Variants in KIF14 observed in about 807,000 individuals in gnomAD.
KIF14 encodes the protein kinesin family member 14.
A neutral mutation model predicts 176.2 loss-of-function variants in KIF14; 98 were observed. That is an observed-to-expected ratio of 0.56 (90% CI 0.47 to 0.66). The LOEUF is 0.66. Ranked by LOEUF, KIF14 falls within the 30% of genes least tolerant of loss-of-function variation. The pLI, the probability that KIF14 is intolerant of heterozygous loss-of-function variation, is 0.00. For missense variants in KIF14, 1,751 were observed against 1,920.4 expected, an observed-to-expected ratio of 0.91 and a Z score of 1.65; for synonymous variants, 566 against 632.2, an observed-to-expected ratio of 0.90 and a Z score of 1.57.
intron 21 of KIF14, 132 bp from the exon 22 acceptor site, chr1:200,575,823 CTA>C (rs1491560641): frequency 2.3e-6 from 1 of 430,510 alleles, no homozygotes; most frequent in Non-Finnish European, 4.0e-6. Context: ...TCTGATAAGT[CTA>C]AAAAATCATT....
In KIF14 at chr1:200,592,172, T is replaced by C; in HGVS notation, c.2721A>G (p.Gly907=). The C allele has an allele frequency of 7.4e-6, 12 of 1,613,712 alleles. No homozygotes were observed. The highest frequency in any genetic ancestry group is 1.0e-5 in the Non-Finnish European group (12 of 1,179,676). Residue 907 remains glycine (G), a synonymous_variant, in exon 16 of 30, where the codon GGA becomes GGG. Coordinates refer to ENST00000367350, the MANE Select transcript of KIF14 (RefSeq NM_014875.3). ...GAGTATCTCTTCCAGATGGCCTTTT[T>C]CCTTTCTGGACTTCTACTGGATGAT... The part of the protein sequence containing the change: ...RFNHPVEVQK[G]KRPSGRDTPI...
intron 25 of KIF14, among the ~76,000 whole-genome samples, chr1:200,561,103 C>T (rs1025024890): frequency 1.3e-5 from 2 of 151,898 alleles, no homozygotes; most frequent in African/African-American, 2.4e-5. Flanking sequence ...TAGTGGCACA[C>T]GCCTATATCC....
chr1:200,579,877 C>T (rs1241097183), intron 21 of KIF14, among the ~76,000 whole-genome samples: 2 of 152,000 alleles, frequency 1.3e-5, no homozygotes, highest in Admixed American at 6.6e-5. Context: ...CAAAAAGGTA[C>T]ATTAGGCATA....
rs1417876269 is a variant in KIF14, at chr1:200,553,083, ACAGGCACGCGCCACCATGCC to A, written c.*285_*304del. 1 of 166,476 alleles carries A rather than the reference ACAGGCACGCGCCACCATGCC, an allele frequency of 6.0e-6. No homozygotes were observed. 10.3% of individuals were successfully genotyped at this position (166,476 alleles called of 1,614,324 possible). A position where few individuals can be genotyped will look rare whatever the true frequency, so the allele number is the denominator to read the frequency against. ...CTCAGCCCCCCTAGTAGCTGGGATT[ACAGGCACGCGCCACCATGCC>A]CAGCAAATTTTTGTATTTTTAGTAG... On this transcript the variant is annotated 3_prime_UTR_variant, in exon 30 of 30. Transcript: ENST00000367350.
Position 200,586,328 on chromosome 1 carries a change from C to A in KIF14, c.3115-101G>T. 3 of 996,968 alleles carry A rather than the reference C, an allele frequency of 3.0e-6. No individual in the cohort carries two copies. The South Asian group carries it at 7.0e-5, about 23-fold the overall frequency. 61.8% of individuals were successfully genotyped at this position (996,968 alleles called of 1,614,324 possible). ...ATGGATATGTTAATTTGCTTCACTACAGTAACCATTTTACAATTTATATAC... is the reference window on the plus strand; with the variant it reads ...ATGGATATGTTAATTTGCTTCACTAAAGTAACCATTTTACAATTTATATAC... On this transcript the variant is annotated intron_variant, in intron 18 of 29. Transcript: ENST00000367350.
chr1:200,619,064 G>A (rs1190609382), intron 1 of KIF14, among the ~76,000 whole-genome samples: 2 of 152,186 alleles, frequency 1.3e-5, no homozygotes, highest in African/African-American at 4.8e-5. Flanking sequence ...CAGGCCCTCT[G>A]ATAGATACTG....
Position 200,580,353 on chromosome 1 carries a change from G to A in KIF14, c.3366C>T (p.Asp1122=), listed in dbSNP as rs776708250. 1.2e-5 allele frequency: 18 copies of A among 1,516,718 alleles called. No individual in the cohort carries two copies. In the African/African-American group the frequency reaches 2.4e-4, roughly 20 times the overall value. 94.0% of individuals were successfully genotyped at this position (1,516,718 alleles called of 1,614,324 possible). Residue 1122 remains aspartate (D), a synonymous_variant, in exon 21 of 30, where the codon GAC becomes GAT. Transcript: ENST00000367350. ...TCAGGTTACGAACCCGAATAGAAGT[G>A]TCAGAACTACTTTTATCTGATATAT... ...RHDISDKSSS[D]TSIRVRNLKL... is the part of the protein sequence containing the mutation.
chr1:200,591,354 C>A (rs1213463002), intron 16 of KIF14, among the ~76,000 whole-genome samples: 1 of 152,152 alleles, frequency 6.6e-6, no homozygotes, highest in Admixed American at 6.5e-5. Flanking sequence ...CTCTTAGCTG[C>A]ATTTGCAGGT....
At chr1:200,576,275 G>A (rs928836440) in intron 21 of KIF14, among the ~76,000 whole-genome samples, 3 of 151,916 alleles carry the variant, frequency 2.0e-5, no homozygotes, top group Non-Finnish European at 2.9e-5. Flanking sequence ...TCAGGAGATC[G>A]AGACCATCCT....
chr1:200,581,356 G>A lies in KIF14; in HGVS notation c.3242-62C>T, dbSNP rs1031291916. The A allele has an allele frequency of 6.1e-6, 5 of 816,192 alleles. No homozygotes were observed. In the African/African-American group the frequency reaches 7.2e-5, roughly 12 times the overall value. 50.6% of individuals were successfully genotyped at this position (816,192 alleles called of 1,614,324 possible). Reference sequence around the variant, plus strand: ...ACATGGACACTAACATATACCATTAGGCAAAACAATTCCTAAAAAAAAAAT... The same window carrying A: ...ACATGGACACTAACATATACCATTAAGCAAAACAATTCCTAAAAAAAAAAT... On this transcript the variant is annotated intron_variant, in intron 19 of 29. Transcript: ENST00000367350.
rs146519035 is a variant in KIF14 at position 200,571,916 on chromosome 1, G to A, written c.3567-1911C>T. Among the ~76,000 whole-genome samples the A allele has an allele frequency of 6.2e-4, 95 of 152,252 alleles. 1 individual carries two copies. Among genetic ancestry groups the A allele is most frequent in the African/African-American group, 2.1e-3 (87 of 41,544 alleles). ...CAAAGAGTTTTTACTTAACCTCAGA[G>A]GGAAATTTACTTTTAATTGTCAACA... is the stretch of plus-strand genomic sequence containing the variant. On this transcript the variant is annotated intron_variant, in intron 22 of 29. Transcript: ENST00000367350.
At chr1:200,600,241 G>T in intron 12 of KIF14, 115 bp downstream of exon 12, 1 of 1,227,626 alleles carries the variant, frequency 8.1e-7, no homozygotes, top group Non-Finnish European at 1.2e-6. Flanking sequence ...CTGGGAGTGG[G>T]CTGCTCTATT....
Position 200,553,574 on chromosome 1 carries a change from G to A in KIF14, c.4761C>T (p.Ser1587=). ...SLLFCFESEE[S]PDLLKPWETY... ...TTTCCCAGGGTTTCAACAAATCAGG[G>A]CTTTCTTCAGATTCAAAACAAAAGA... is the stretch of plus-strand genomic sequence containing the variant. Residue 1587 remains serine, a synonymous_variant, in exon 30 of 30, where the codon AGC becomes AGT. Coordinates refer to ENST00000367350, the MANE Select transcript of KIF14 (RefSeq NM_014875.3). The A allele has an allele frequency of 6.2e-7, 1 of 1,613,962 alleles. No individual in the cohort carries two copies. Among genetic ancestry groups the A allele is most frequent in the Non-Finnish European group, 8.5e-7 (1 of 1,179,964 alleles).
At chr1:200,562,092 G>A (rs995786140) in intron 25 of KIF14, among the ~76,000 whole-genome samples, 11 of 152,160 alleles carry the variant, frequency 7.2e-5, no homozygotes, top group Non-Finnish European at 2.9e-5. Context: ...CCTGCTTTGG[G>A]GAATATGCTA....
intron 22 of KIF14, among the ~76,000 whole-genome samples, chr1:200,574,174 G>A (rs985898684): frequency 6.6e-6 from 1 of 152,146 alleles, no homozygotes; most frequent in African/African-American, 2.4e-5. Context: ...TAACAATGAT[G>A]CTTCTGCTGA....
At chr1:200,563,979 C>A (rs1657299503) in intron 25 of KIF14, among the ~76,000 whole-genome samples, 1 of 151,942 alleles carries the variant, frequency 6.6e-6, no homozygotes, top group African/African-American at 2.4e-5. Context: ...AGGCAAACTT[C>A]AGCCGGGCGC....
At chr1:200,589,471 G>A in intron 17 of KIF14, 102 bp from the exon 18 acceptor site, 1 of 960,788 alleles carries the variant, frequency 1.0e-6, no homozygotes, top group Admixed American at 3.0e-5. Flanking sequence ...CTCACTAATA[G>A]AAAAGTTGCC....
At chr1:200,587,047 T>A (rs921096787) in intron 18 of KIF14, among the ~76,000 whole-genome samples, 1 of 151,984 alleles carries the variant, frequency 6.6e-6, no homozygotes, top group Admixed American at 6.6e-5. Context: ...TGGAAGACAA[T>A]TTTTCCACGG....
intron 18 of KIF14, 131 bp from the exon 19 acceptor site, chr1:200,586,358 T>C (rs1446009110): frequency 8.3e-6 from 5 of 605,550 alleles, no homozygotes; most frequent in Non-Finnish European, 1.3e-5. Flanking sequence ...ATATACCCCA[T>C]AACATTGTAT....
Sources: gnomAD v4.1 joint callset for allele counts (sites outside exome capture counted in the v4.1 genomes callset) on GRCh38, gnomAD v4.1.1 for gene constraint, MANE v1.5 for transcripts, NCBI Gene and HGNC (gene_info 2026-07-23, HGNC 2026-07-21) for gene names.